The following ASAP1 variants were observed in gnomAD, a reference collection of about 807,000 sequenced individuals.
ASAP1 encodes ArfGAP with SH3 domain, ankyrin repeat and PH domain 1, also known as arf-GAP with SH3 domain, ANK repeat and PH domain-containing protein 1.
Under a neutral mutation model 145.2 loss-of-function variants are expected in ASAP1, and 43 were observed. The observed-to-expected ratio is 0.30, with a 90% confidence interval of 0.23 to 0.38. The LOEUF (loss-of-function observed/expected upper bound fraction) is 0.38, where lower values mean the gene tolerates loss of function less well. ASAP1 is among the 10% of genes least tolerant of loss of function. ASAP1 has a pLI of 1.00. For missense variants in ASAP1, 1,018 were observed against 1,355.3 expected (o/e 0.75, Z 3.91); for synonymous variants, 546 against 515.5 (o/e 1.06, Z -0.80).
At chr8:130,171,984 G>A (rs920289519) in intron 9 of ASAP1, among the ~76,000 whole-genome samples, 1 of 152,226 alleles carries the variant, frequency 6.6e-6, no homozygotes, top group Non-Finnish European at 1.5e-5. Flanking sequence ...TAAGATGGAT[G>A]TTGTCAGGAC....
rs575179737 is a variant in ASAP1 at position 130,376,746 on chromosome 8, A to G, written c.60-18603T>C. Reference sequence around the variant, plus strand: ...TCTCAAAATAAATAAATAAATAAATAAAATAAATTAGCTGGGTGTGGTGGC... The same window carrying G: ...TCTCAAAATAAATAAATAAATAAATGAAATAAATTAGCTGGGTGTGGTGGC... On this transcript the variant is annotated intron_variant, in intron 2 of 29. Coordinates refer to ENST00000518721, the MANE Select transcript of ASAP1 (RefSeq NM_018482.4). 4.0e-5 allele frequency among the ~76,000 whole-genome samples: 6 copies of G among 151,722 alleles called. No individual in the cohort carries two copies. The East Asian group carries it at 1.2e-3, about 29-fold the overall frequency.
chr8:130,091,610 T>A (rs2097505584), intron 25 of ASAP1, among the ~76,000 whole-genome samples: 1 of 152,182 alleles, frequency 6.6e-6, no homozygotes, highest in African/African-American at 2.4e-5. Flanking sequence ...ATGAGCTGAT[T>A]TACACTTTAT....
At chr8:130,303,559 T>C (rs1296920466) in intron 3 of ASAP1, among the ~76,000 whole-genome samples, 1 of 152,120 alleles carries the variant, frequency 6.6e-6, no homozygotes, top group African/African-American at 2.4e-5. Context: ...TTCTGGACAA[T>C]GGAATATTAT....
intron 3 of ASAP1, among the ~76,000 whole-genome samples, chr8:130,332,180 C>G (rs559627642): frequency 1.3e-5 from 2 of 152,304 alleles, no homozygotes; most frequent in East Asian, 3.9e-4. Context: ...GATTTGATGG[C>G]ACTTGTGAAG....
At chr8:130,291,440 T>G (rs1267309010) in intron 3 of ASAP1, among the ~76,000 whole-genome samples, 2 of 152,190 alleles carry the variant, frequency 1.3e-5, no homozygotes, top group Admixed American at 1.3e-4. Flanking sequence ...CTGCTGAAAG[T>G]CATCTCCTGC....
At chr8:130,427,055 A>T (rs1486580079) in intron 1 of ASAP1, among the ~76,000 whole-genome samples, 2 of 152,202 alleles carry the variant, frequency 1.3e-5, no homozygotes, top group Non-Finnish European at 2.9e-5. Flanking sequence ...ATGAGGATAC[A>T]TGAGGAGTCA....
chr8:130,133,609 T>C (rs1001958951), intron 15 of ASAP1, among the ~76,000 whole-genome samples: 1 of 151,688 alleles, frequency 6.6e-6, no homozygotes, highest in Admixed American at 6.6e-5. Flanking sequence ...TGAGCCGAGA[T>C]TGCGCCACTG....
chr8:130,359,621 T>G (rs913368340), intron 2 of ASAP1, among the ~76,000 whole-genome samples: 2 of 150,100 alleles, frequency 1.3e-5, no homozygotes, highest in Admixed American at 1.3e-4. Context: ...TTGCACTGTT[T>G]TTTTTTTTTT....
chr8:130,125,540 G>A (rs945900511), intron 17 of ASAP1, among the ~76,000 whole-genome samples: 3 of 151,962 alleles, frequency 2.0e-5, no homozygotes, highest in Non-Finnish European at 2.9e-5. Context: ...TAATTCATGT[G>A]TACTTTTACA....
chr8:130,373,685 C>CA (rs1187151646), intron 2 of ASAP1, among the ~76,000 whole-genome samples: 2 of 151,580 alleles, frequency 1.3e-5, no homozygotes, highest in Non-Finnish European at 1.5e-5. Context: ...CCTGTCCCTA[C>CA]AAAAAATACA....
chr8:130,292,422 C>G (rs1019036331), intron 3 of ASAP1, among the ~76,000 whole-genome samples: 1 of 152,180 alleles, frequency 6.6e-6, no homozygotes, highest in South Asian at 2.1e-4. Flanking sequence ...AATCCCATCC[C>G]AGAGGGAAGG....
intron 3 of ASAP1, among the ~76,000 whole-genome samples, chr8:130,300,147 C>CAGAGAGAGAGAG (rs767665838): frequency 1.9e-4 from 19 of 100,324 alleles, no homozygotes; most frequent in African/African-American, 5.8e-4. Flanking sequence ...CACACACACA[C>CAGAGAGAGAGAG]ACACACAGAG....
intron 27 of ASAP1, among the ~76,000 whole-genome samples, chr8:130,069,285 G>A (rs2097436963): frequency 6.6e-6 from 1 of 152,154 alleles, no homozygotes; most frequent in Non-Finnish European, 1.5e-5. Flanking sequence ...ACCCAGGCTG[G>A]AGTGCAGTGG....
In ASAP1 at chr8:130,060,947, T is replaced by C. The variant is rs2097418248; in HGVS notation, c.2824A>G (p.Lys942Glu). 2 of 1,607,416 alleles carry C rather than the reference T, an allele frequency of 1.2e-6. No individual in the cohort carries two copies. Among genetic ancestry groups the C allele is most frequent in the Admixed American group, 3.4e-5 (2 of 59,218 alleles). The change falls in exon 28 of 30, where the codon AAG (lysine) becomes GAG (glutamate). Residue 942 changes from lysine (K) to glutamate (E), a missense_variant. This residue lies in a region of ASAP1 where 139 missense variants were observed against 131.0 expected (regional missense o/e 1.06). Coordinates refer to ENST00000518721, the MANE Select transcript of ASAP1 (RefSeq NM_018482.4). ...QKPPPGDLPP[K>E]PTELAPKPQI... ...GGCTTGGGGGCCAGTTCTGTGGGCT[T>C]TGGGGGCAGGTCTCCAGGTGGTGGC...
intron 3 of ASAP1, among the ~76,000 whole-genome samples, chr8:130,255,929 T>C (rs1465239734): frequency 6.6e-6 from 1 of 152,190 alleles, no homozygotes. Flanking sequence ...TATGGACCCC[T>C]GCTCCCAACA....
intron 3 of ASAP1, among the ~76,000 whole-genome samples, chr8:130,269,692 G>C (rs1290208913): frequency 1.3e-5 from 2 of 152,164 alleles, no homozygotes; most frequent in Non-Finnish European, 2.9e-5. Flanking sequence ...GCACTGTCCT[G>C]GGAAAGTTGA....
rs869060434 is a variant in ASAP1 at position 130,159,549 on chromosome 8, GAAAAAAAAA to G, written c.1010+306_1010+314del. Among the ~76,000 whole-genome samples, 399 of 84,182 alleles carry G rather than the reference GAAAAAAAAA, an allele frequency of 4.7e-3. 2 individuals are homozygous for G. Among genetic ancestry groups the G allele is most frequent in the Admixed American group, 8.2e-3 (60 of 7,326 alleles). The allele number at this position is 84,182 out of a possible 152,430, so 55.2% of individuals were successfully genotyped here. A position where few individuals can be genotyped will look rare whatever the true frequency, so the allele number is the denominator to read the frequency against. ...AGGCAGGAGAATGGCGTGAACTCAGGAAAAAAAAAAAAAAAAAAAAGCGGAGAGGTGGGT... is the reference window on the plus strand; with the variant it reads ...AGGCAGGAGAATGGCGTGAACTCAGGAAAAAAAAAAAGCGGAGAGGTGGGT... On this transcript the variant is annotated intron_variant, in intron 12 of 29. Transcript: ENST00000518721.
chr8:130,382,231 A>G (rs1827805755), intron 2 of ASAP1, among the ~76,000 whole-genome samples: 1 of 136,912 alleles, frequency 7.3e-6, no homozygotes, highest in East Asian at 2.3e-4. Flanking sequence ...GCTTGCAGTG[A>G]GCCGAGATTG....
chr8:130,229,607 C>G (rs1338746203), intron 4 of ASAP1, among the ~76,000 whole-genome samples: 1 of 152,174 alleles, frequency 6.6e-6, no homozygotes, highest in African/African-American at 2.4e-5. Context: ...GCACAATGGA[C>G]TCTACCTGGC....
Sources: gnomAD v4.1 joint callset for allele counts (sites outside exome capture counted in the v4.1 genomes callset) on GRCh38, gnomAD v4.1.1 for gene constraint, gnomAD v4.1.1 regional missense constraint, MANE v1.5 for transcripts, NCBI Gene and HGNC (gene_info 2026-07-23, HGNC 2026-07-21) for gene names.